The following ROBO4 variants were observed in gnomAD, a reference collection of about 807,000 sequenced individuals.
ROBO4 encodes the protein roundabout homolog 4.
In ROBO4, 80 loss-of-function variants were observed where a neutral mutation model predicts 103.3. The observed-to-expected ratio is 0.77, with a 90% CI of 0.65 to 0.93. The LOEUF (loss-of-function observed/expected upper bound fraction) is 0.93. ROBO4 is among the 40% of genes least tolerant of loss of function. The pLI is 0.00. For missense variants in ROBO4, 1,333 were observed against 1,305.3 expected (o/e 1.02, Z -0.33); for synonymous variants, 504 against 529.7 (o/e 0.95, Z 0.67).
At chr11:124,896,818 C>A in intron 2 of ROBO4, 114 bp downstream of exon 2, 1 of 1,520,500 alleles carries the variant, frequency 6.6e-7, no homozygotes, top group South Asian at 1.3e-5. Context: ...GCCTTCCAGC[C>A]CAGGCCTCTG....
rs112997412 is a variant in ROBO4, at chr11:124,891,115, G to T, written c.1948+184C>A. On this transcript the variant is annotated intron_variant, in intron 12 of 17. Coordinates refer to ENST00000306534, the MANE Select transcript of ROBO4 (RefSeq NM_019055.6). ...CACAGTGCAAAAAGCTGAGGCTATTGCACCCCTAGCTGAGTGCTCTGGTGG... is the reference window on the plus strand; with the variant it reads ...CACAGTGCAAAAAGCTGAGGCTATTTCACCCCTAGCTGAGTGCTCTGGTGG... Among the ~76,000 whole-genome samples, 1,474 of 152,244 alleles carry T rather than the reference G, an allele frequency of 9.7e-3. 17 individuals are homozygous for T. The highest frequency in any genetic ancestry group is 0.025 in the African/African-American group (1,038 of 41,488).
rs1356358963 is a variant in ROBO4, at chr11:124,896,970, C to A, written c.362G>T (p.Gly121Val). 6.2e-7 allele frequency: 1 copy of A among 1,613,802 alleles called. No homozygotes were observed. The highest frequency in any genetic ancestry group is 1.1e-5 in the South Asian group (1 of 91,012). The change falls in exon 2 of 18, where the codon GGC (glycine) becomes GTC (valine). Residue 121 changes from glycine to valine, a missense_variant. Coordinates refer to ENST00000306534, the MANE Select transcript of ROBO4 (RefSeq NM_019055.6). ...VYTCEASNRL[G>V]TAVSRGARLS... ...CCGAGCGCCTCTGCTGACTGCCGTG[C>A]CAAGCCGGTTGCTGGCCTCACATGT...
Position 124,886,446 on chromosome 11 carries a change from T to C in ROBO4, c.2794+18A>G, listed in dbSNP as rs1340409227. ...CAAGGGGCATGAGTGAGGAGTAAGA[T>C]GGGGAGACCTCACATACCTATGAAG... On this transcript the variant is annotated intron_variant, in intron 16 of 17. Transcript: ENST00000306534. 16 of 1,582,882 alleles carry C rather than the reference T, an allele frequency of 1.0e-5. No individual in the cohort carries two copies. Among genetic ancestry groups the C allele is most frequent in the Non-Finnish European group, 1.4e-5 (16 of 1,154,242 alleles).
At chr11:124,891,931 T>C in intron 10 of ROBO4, 129 bp from the exon 11 acceptor site, 1 of 1,043,060 alleles carries the variant, frequency 9.6e-7, no homozygotes, top group Non-Finnish European at 1.4e-6. Flanking sequence ...TTACTACTGC[T>C]TTTCAGCTTT....
intron 12 of ROBO4, among the ~76,000 whole-genome samples, chr11:124,889,369 G>T (rs1946767406): frequency 6.6e-6 from 1 of 152,148 alleles, no homozygotes; most frequent in African/African-American, 2.4e-5. Flanking sequence ...AAAACAGCCA[G>T]GCCTGGAAAA....
intron 10 of ROBO4, chr11:124,892,065 C>A (rs1390035203): frequency 1.5e-6 from 1 of 666,694 alleles, no homozygotes; most frequent in Non-Finnish European, 2.8e-6. Context: ...GCTATGTATG[C>A]TGAGGTAAAA....
In ROBO4 at chr11:124,887,155, T is replaced by A; in HGVS notation, c.2257A>T (p.Ile753Phe). ...CTAGGGGGACTGCAGGGGCTAAGGA[T>A]GGGGATGGGGGCTGCTGGCAGCAGG... is the stretch of plus-strand genomic sequence containing the variant. ...SILLPAAPIP[I>F]LSPCSPPSPQ... Residue 753 changes from isoleucine (I) to phenylalanine (F), a missense_variant, in exon 15 of 18, where the codon ATC (isoleucine) becomes TTC (phenylalanine). Coordinates refer to ENST00000306534, the MANE Select transcript of ROBO4 (RefSeq NM_019055.6). The A allele has an allele frequency of 6.2e-7, 1 of 1,604,598 alleles. No homozygotes were observed. The highest frequency in any genetic ancestry group is 8.5e-7 in the Non-Finnish European group (1 of 1,174,454).
chr11:124,888,265 C>G (rs1355247175), intron 12 of ROBO4, among the ~76,000 whole-genome samples: 1 of 152,260 alleles, frequency 6.6e-6, no homozygotes, highest in African/African-American at 2.4e-5. Flanking sequence ...CATTGCTACT[C>G]TCATGAATTT....
chr11:124,884,855 T>A lies in ROBO4; in HGVS notation c.*36A>T, dbSNP rs772188934. ...TCTTGTGGGTGGACAGGAGAAGTGG[T>A]TCTGATTCCCGTCTGGGAAGTCTCA... On this transcript the variant is annotated 3_prime_UTR_variant, in exon 18 of 18. Transcript: ENST00000306534. The A allele has an allele frequency of 6.2e-7, 1 of 1,613,606 alleles. No homozygotes were observed. The highest frequency in any genetic ancestry group is 8.5e-7 in the Non-Finnish European group (1 of 1,179,478).
At position 124,884,478 on chromosome 11, in the gene ROBO4, C is replaced by A. The variant is rs143246734; in HGVS notation, c.*413G>T. 3 of 224,818 alleles carry A rather than the reference C, an allele frequency of 1.3e-5. No individual in the cohort carries two copies. The highest frequency in any genetic ancestry group is 8.8e-6 in the Non-Finnish European group (1 of 114,190). 13.9% of individuals were successfully genotyped at this position (224,818 alleles called of 1,614,324 possible). A position where few individuals can be genotyped will look rare whatever the true frequency, so the allele number is the denominator to read the frequency against. ...CCCAGGTAAGGCTGAGAGGGGGCTCCGAGAAGCTCCTTCCTCCACAGCCCT... is the reference window on the plus strand; with the variant it reads ...CCCAGGTAAGGCTGAGAGGGGGCTCAGAGAAGCTCCTTCCTCCACAGCCCT... On this transcript the variant is annotated 3_prime_UTR_variant, in exon 18 of 18. Transcript: ENST00000306534.
At chr11:124,889,825 A>G (rs530272637) in intron 12 of ROBO4, among the ~76,000 whole-genome samples, 2 of 152,232 alleles carry the variant, frequency 1.3e-5, no homozygotes, top group Non-Finnish European at 2.9e-5. Context: ...GGAGAAGACC[A>G]TAGCATGATC....
intron 10 of ROBO4, chr11:124,893,111 A>T (rs905793467): frequency 6.3e-6 from 1 of 157,752 alleles, no homozygotes; most frequent in Non-Finnish European, 1.4e-5. Flanking sequence ...CAAAACTCAG[A>T]CAACGGGAGC....
chr11:124,888,236 C>T (rs1400827306), intron 12 of ROBO4, among the ~76,000 whole-genome samples: 1 of 152,250 alleles, frequency 6.6e-6, no homozygotes, highest in African/African-American at 2.4e-5. Flanking sequence ...TTCCAATCTT[C>T]CTGATCTCTA....
chr11:124,886,762 G>A lies in ROBO4; in HGVS notation c.2496C>T (p.Ser832=), dbSNP rs771809588. 1.2e-5 allele frequency: 19 copies of A among 1,569,452 alleles called. No homozygotes were observed. In the East Asian group the frequency reaches 2.9e-4, roughly 24 times the overall value. ...PSPPTTYGYI[S]VPTASEFTDM... is the part of the protein sequence containing the mutation. Reference sequence around the variant, plus strand: ...CCGTGAACTCTGAGGCTGTTGGGACGCTGATGTACCCATAGGTGGTGGGGG... The same window carrying A: ...CCGTGAACTCTGAGGCTGTTGGGACACTGATGTACCCATAGGTGGTGGGGG... Residue 832 remains serine (S), a synonymous_variant, in exon 16 of 18, where the codon AGC becomes AGT. Transcript: ENST00000306534.
At chr11:124,894,136 G>A (rs1469276393) in intron 8 of ROBO4, 65 bp downstream of exon 8, 2 of 1,561,190 alleles carry the variant, frequency 1.3e-6, no homozygotes, top group East Asian at 2.3e-5. Context: ...TGAGGCGGGA[G>A]CAGGGAGAGA....
chr11:124,885,293 C>T (rs1222536805), intron 16 of ROBO4, 46 bp from the exon 17 acceptor site: 1 of 1,531,384 alleles, frequency 6.5e-7, no homozygotes, highest in South Asian at 1.1e-5. Context: ...ACCTTCAGCC[C>T]CTAGGGGCCA....
At chr11:124,890,795 G>A (rs552737249) in intron 12 of ROBO4, among the ~76,000 whole-genome samples, 4 of 152,268 alleles carry the variant, frequency 2.6e-5, no homozygotes, top group Admixed American at 6.5e-5. Flanking sequence ...TCTCTGAGAA[G>A]TGAGTTGGGA....
chr11:124,887,114 G>T lies in ROBO4; in HGVS notation c.2298C>A (p.Ser766=), dbSNP rs372625769. The T allele has an allele frequency of 2.5e-6, 4 of 1,613,668 alleles. No homozygotes were observed. In the African/African-American group the frequency reaches 4.0e-5, roughly 16 times the overall value. ...TGGAAGCTGGGCTGGGGCCAGAGAG[G>T]GAAGAGGCCTGGGGGCTAGGGGGAC... ...PCSPPSPQAS[S]LSGPSPASSR... is the part of the protein sequence containing the mutation. Residue 766 remains serine (S), a synonymous_variant, in exon 15 of 18, where the codon TCC becomes TCA. Coordinates refer to ENST00000306534, the MANE Select transcript of ROBO4 (RefSeq NM_019055.6).
chr11:124,895,101 C>T lies in ROBO4; in HGVS notation c.1129G>A (p.Gly377Ser). Residue 377 changes from glycine (G) to serine (S), a missense_variant, in exon 7 of 18, where the codon GGC (glycine) becomes AGC (serine). Physicochemically the swap from Gly to Ser is moderately conservative, Grantham distance 56 (BLOSUM62 0). Transcript: ENST00000306534. The stretch of plus-strand genomic sequence containing the variant: ...GGTACCTGGTAGCCACGGATGATGC[C>T]ATTGTGGTTTTCAGCAGGTGGTGGG... ...WVPPPAENHN[G>S]IIRGYQVWSL... is the part of the protein sequence containing the mutation. 1 of 1,613,860 alleles carries T rather than the reference C, an allele frequency of 6.2e-7. No individual in the cohort carries two copies. Among genetic ancestry groups the T allele is most frequent in the Non-Finnish European group, 8.5e-7 (1 of 1,179,784 alleles).
Sources: allele counts gnomAD v4.1 joint callset (sites outside exome capture counted in the v4.1 genomes callset), GRCh38; gene constraint gnomAD v4.1.1; transcripts MANE v1.5; gene names NCBI Gene and HGNC (gene_info 2026-07-23, HGNC 2026-07-21).